YY1AP1: variants seen among roughly 807,000 people sequenced by gnomAD.
YY1AP1 encodes the protein YY1 associated protein 1.
A neutral mutation model predicts 39.9 loss-of-function variants in YY1AP1; 43 were observed. That is an observed-to-expected ratio of 1.08 (90% CI 0.84 to 1.39). YY1AP1 has a LOEUF of 1.39. YY1AP1 is among the 40% of genes most tolerant of loss of function. YY1AP1 has a pLI of 0.00. For synonymous variants in YY1AP1, 292 were observed against 331.3 expected (o/e 0.88, Z 1.29); for missense variants, 813 against 900.7 (o/e 0.90, Z 1.25).
chr1:155,662,346 C>G (rs1329800332), intron 9 of YY1AP1, among the ~76,000 whole-genome samples: 1 of 151,360 alleles, frequency 6.6e-6, no homozygotes, highest in Non-Finnish European at 1.5e-5. Flanking sequence ...CAAAAATTAG[C>G]TGGGTGTGGT....
chr1:155,688,886 A>G (rs758562980), upstream of YY1AP1: 1 of 1,611,468 alleles, frequency 6.2e-7, no homozygotes, highest in South Asian at 1.1e-5. Flanking sequence ...TTGCCGTTTG[A>G]CTGGAATTGC....
chr1:155,682,553 G>A (rs1651673038), intron 2 of YY1AP1, among the ~76,000 whole-genome samples: 1 of 151,718 alleles, frequency 6.6e-6, no homozygotes, highest in South Asian at 2.1e-4. Flanking sequence ...TAGAGATGGG[G>A]TTTCATCATG....
At chr1:155,668,481 A>C in intron 9 of YY1AP1, 146 bp downstream of exon 9, 1 of 1,225,294 alleles carries the variant, frequency 8.2e-7, no homozygotes, top group Non-Finnish European at 1.2e-6. Context: ...GTCCCTGAAA[A>C]GGCAACAGGG....
At chr1:155,663,240 G>A (rs549285647) in intron 9 of YY1AP1, among the ~76,000 whole-genome samples, 37 of 151,768 alleles carry the variant, frequency 2.4e-4, no homozygotes, top group African/African-American at 7.7e-4. Context: ...GTGTGGTGGC[G>A]CGTGCCTGTA....
At chr1:155,674,017 C>T (rs977687968) in intron 6 of YY1AP1, among the ~76,000 whole-genome samples, 18 of 151,936 alleles carry the variant, frequency 1.2e-4, no homozygotes, top group Non-Finnish European at 2.1e-4. Flanking sequence ...AAAAATTAGC[C>T]GGGCATAGTG....
rs1283095621 is a variant in YY1AP1, at chr1:155,668,095, A to C, written c.879+532T>G. 3.3e-5 allele frequency among the ~76,000 whole-genome samples: 5 copies of C among 152,210 alleles called. 1 individual carries two copies. Among genetic ancestry groups the C allele is most frequent in the Middle Eastern group, 6.8e-3 (2 of 294 alleles). On this transcript the variant is annotated intron_variant, in intron 9 of 10. Coordinates refer to ENST00000355499, the MANE Select transcript of YY1AP1 (RefSeq NM_139119.3). ...AACTGGTGGATCACTTGAGGTCAGA[A>C]GTTCAAGACCAGCCTGGCCAACATG... is the stretch of plus-strand genomic sequence containing the variant.
In YY1AP1 at chr1:155,659,752, G is replaced by C; in HGVS notation, c.2158C>G (p.Gln720Glu). The change falls in exon 11 of 11, where the codon CAG (glutamine) becomes GAG (glutamate). Residue 720 changes from glutamine (Q) to glutamate (E), a missense_variant. Gln to Glu is a conservative substitution (Grantham distance 29). This residue lies in a region of YY1AP1 where 586 missense variants were observed against 647.4 expected (regional missense o/e 0.91). Coordinates refer to ENST00000355499, the MANE Select transcript of YY1AP1 (RefSeq NM_139119.3). ...GGGGAAGAGTTGTTTAGAGACTCCT[G>C]GATGCCCTGAGGGAGCGGCTCCAGA... Reference protein sequence around the residue: ...QALEPLPQGIQESLNNSSPGD... With the variant: ...QALEPLPQGIEESLNNSSPGD... 1 of 1,614,186 alleles carries C rather than the reference G, an allele frequency of 6.2e-7. No homozygotes were observed.
intron 9 of YY1AP1, among the ~76,000 whole-genome samples, chr1:155,665,249 C>G (rs1558301871): frequency 1.3e-5 from 2 of 151,726 alleles, no homozygotes; most frequent in Non-Finnish European, 2.9e-5. Flanking sequence ...GAGACCCCCC[C>G]ACCTCAATTT....
At chr1:155,680,640 C>T (rs1416712508) in intron 2 of YY1AP1, among the ~76,000 whole-genome samples, 184 bp from the exon 3 acceptor site, 1 of 152,204 alleles carries the variant, frequency 6.6e-6, no homozygotes, top group Non-Finnish European at 1.5e-5. Flanking sequence ...GATCTCGGCT[C>T]ACTGCAATCT....
chr1:155,662,668 G>C (rs1312825628), intron 9 of YY1AP1, among the ~76,000 whole-genome samples: 1 of 152,192 alleles, frequency 6.6e-6, no homozygotes. Flanking sequence ...TTACAGACTA[G>C]TGGGAGAGTC....
At chr1:155,662,226 C>G (rs943884257) in intron 9 of YY1AP1, among the ~76,000 whole-genome samples, 1 of 151,724 alleles carries the variant, frequency 6.6e-6, no homozygotes, top group Non-Finnish European at 1.5e-5. Context: ...CTTGGTGGCT[C>G]ACATCTGTAA....
intron 4 of YY1AP1, 125 bp from the exon 5 acceptor site, chr1:155,676,871 T>C (rs190573527): frequency 6.4e-6 from 6 of 940,684 alleles, no homozygotes; most frequent in African/African-American, 4.9e-5. Flanking sequence ...CTTTTCACTT[T>C]AGCCAACAGT....
At chr1:155,672,126 A>C (rs1649948755) in intron 7 of YY1AP1, 2 of 226,686 alleles carry the variant, frequency 8.8e-6, no homozygotes. Context: ...CAGAATGGAG[A>C]TATCACCTAT....
chr1:155,674,281 A>G (rs1650309245), intron 6 of YY1AP1, among the ~76,000 whole-genome samples: 1 of 152,068 alleles, frequency 6.6e-6, no homozygotes, highest in Non-Finnish European at 1.5e-5. Context: ...CAACATCTAC[A>G]TGTATATTTA....
At chr1:155,681,888 T>C (rs976027952) in intron 2 of YY1AP1, among the ~76,000 whole-genome samples, 1 of 151,554 alleles carries the variant, frequency 6.6e-6, no homozygotes, top group African/African-American at 2.4e-5. Context: ...ACTTGCTATG[T>C]TGCCCAGGCT....
In YY1AP1 at chr1:155,660,333, A is replaced by G. The variant is rs1647862375; in HGVS notation, c.1577T>C (p.Val526Ala). 1 of 1,614,202 alleles carries G rather than the reference A, an allele frequency of 6.2e-7. No homozygotes were observed. Among genetic ancestry groups the G allele is most frequent in the Non-Finnish European group, 8.5e-7 (1 of 1,180,034 alleles). Residue 526 changes from valine (V) to alanine (A), a missense_variant, in exon 11 of 11, where the codon GTG (valine) becomes GCG (alanine). By Grantham distance (64) the Val-to-Ala change is moderately conservative (BLOSUM62 0). This residue lies in a region of YY1AP1 where 586 missense variants were observed against 647.4 expected (regional missense o/e 0.91). Transcript: ENST00000355499. Reference sequence around the variant, plus strand: ...CCTTCTTTTTGAGGGTCTCCGTCTCACATATGGCTTTCGAAACATGGAAGA... The same window carrying G: ...CCTTCTTTTTGAGGGTCTCCGTCTCGCATATGGCTTTCGAAACATGGAAGA... Reference protein sequence around the residue: ...PASSMFRKPYVRRRPSKRRGA... With the variant: ...PASSMFRKPYARRRPSKRRGA...
chr1:155,686,173 C>G (rs1353822200), intron 2 of YY1AP1, among the ~76,000 whole-genome samples: 1 of 151,420 alleles, frequency 6.6e-6, no homozygotes, highest in African/African-American at 2.4e-5. Flanking sequence ...GTAGCTGGGA[C>G]TACAGGCGCC....
At chr1:155,684,363 T>A (rs1335675400) in intron 2 of YY1AP1, among the ~76,000 whole-genome samples, 1 of 152,196 alleles carries the variant, frequency 6.6e-6, no homozygotes, top group African/African-American at 2.4e-5. Context: ...ATATCACATG[T>A]ACGTTTTGAG....
intron 2 of YY1AP1, among the ~76,000 whole-genome samples, chr1:155,684,119 G>A (rs1233227852): frequency 6.6e-6 from 1 of 152,138 alleles, no homozygotes; most frequent in Non-Finnish European, 1.5e-5. Context: ...GTGTTGGCAC[G>A]CGCCTGTAAT....
Sources: allele counts gnomAD v4.1 joint callset (sites outside exome capture counted in the v4.1 genomes callset), GRCh38; gene constraint gnomAD v4.1.1; regional missense constraint gnomAD v4.1.1; transcripts MANE v1.5; gene names NCBI Gene and HGNC (gene_info 2026-07-23, HGNC 2026-07-21).